TOX3: variants seen among roughly 807,000 people sequenced by gnomAD.
The protein encoded by TOX3 is TOX high mobility group box family member 3.
TOX3 carries 22 observed loss-of-function variants against 64.3 expected under a neutral mutation model. The observed-to-expected ratio is 0.34, with a 90% CI of 0.24 to 0.49. The LOEUF (loss-of-function observed/expected upper bound fraction) is 0.49. Among genes scored for constraint, TOX3 ranks in the 20% least tolerant of loss-of-function variants. The pLI is 0.99. For missense variants in TOX3, 661 were observed against 714.4 expected, an observed-to-expected ratio of 0.93 and a Z score of 0.85; for synonymous variants, 291 against 273.6, an observed-to-expected ratio of 1.06 and a Z score of -0.63.
At chr16:52,532,111 C>A (rs1485219394) in intron 1 of TOX3, among the ~76,000 whole-genome samples, 2 of 152,118 alleles carry the variant, frequency 1.3e-5, no homozygotes, top group Non-Finnish European at 2.9e-5. Flanking sequence ...AGCCACTATG[C>A]AGGAGATGAG....
At chr16:52,478,554 C>G (rs572503616) in intron 1 of TOX3, among the ~76,000 whole-genome samples, 1 of 152,200 alleles carries the variant, frequency 6.6e-6, no homozygotes, top group South Asian at 2.1e-4. Context: ...CACTATTTCT[C>G]TCCGTTCTAG....
chr16:52,463,573 C>T (rs1361982294), intron 3 of TOX3, among the ~76,000 whole-genome samples: 1 of 152,170 alleles, frequency 6.6e-6, no homozygotes, highest in African/African-American at 2.4e-5. Context: ...GACTTAGGCA[C>T]CTGATAAGGA....
In TOX3 at chr16:52,465,005, C is replaced by CTTTTTTTTTT. The variant is rs1168498170; in HGVS notation, c.154-827_154-818dup. On this transcript the variant is annotated intron_variant, in intron 2 of 6. Transcript: ENST00000219746. Reference sequence around the variant, plus strand: ...AGACCTAAGTAAGTCTTAATGCATTCTTTTTTTTTTTTTTTTTTTTTTTTT... The same window carrying CTTTTTTTTTT: ...AGACCTAAGTAAGTCTTAATGCATTCTTTTTTTTTTTTTTTTTTTTTTTTTTTTTTTTTTT... Among the ~76,000 whole-genome samples, 692 of 70,964 alleles carry CTTTTTTTTTT rather than the reference C, an allele frequency of 9.8e-3. 118 individuals are homozygous for CTTTTTTTTTT. Among genetic ancestry groups the CTTTTTTTTTT allele is most frequent in the African/African-American group, 0.012 (207 of 16,746 alleles). The allele number at this position is 70,964 out of a possible 152,430, so 46.6% of individuals were successfully genotyped here. A position where few individuals can be genotyped will look rare whatever the true frequency, so the allele number is the denominator to read the frequency against.
At chr16:52,524,566 C>A (rs1459670777) in intron 1 of TOX3, among the ~76,000 whole-genome samples, 2 of 152,164 alleles carry the variant, frequency 1.3e-5, no homozygotes, top group Non-Finnish European at 2.9e-5. Context: ...AGCAAATGAA[C>A]TCTTCAGTGC....
At chr16:52,519,309 T>C in intron 1 of TOX3, 1 of 1,179,390 alleles carries the variant, frequency 8.5e-7, no homozygotes, top group Non-Finnish European at 1.2e-6. Context: ...ACTAGAAATG[T>C]AAGGGTTAGT....
chr16:52,530,729 T>G lies in TOX3; in HGVS notation c.87+15908A>C, dbSNP rs45582031. On this transcript the variant is annotated intron_variant, in intron 1 of 6. Coordinates refer to ENST00000219746, the MANE Select transcript of TOX3 (RefSeq NM_001080430.4). ...AACTGAATGGTCTTTCTCCCTGATATAAGAATCTTCTAGATCACTCCCATC... is the reference window on the plus strand; with the variant it reads ...AACTGAATGGTCTTTCTCCCTGATAGAAGAATCTTCTAGATCACTCCCATC... Among the ~76,000 whole-genome samples, 1,274 of 152,098 alleles carry G rather than the reference T, an allele frequency of 8.4e-3. 11 individuals carry two copies. The highest frequency in any genetic ancestry group is 0.011 in the Non-Finnish European group (755 of 67,988).
chr16:52,476,121 C>G (rs1961199615), intron 1 of TOX3, among the ~76,000 whole-genome samples: 1 of 152,138 alleles, frequency 6.6e-6, no homozygotes, highest in Non-Finnish European at 1.5e-5. Context: ...GACATGCAAC[C>G]ATTTGTGAAG....
intron 1 of TOX3, among the ~76,000 whole-genome samples, chr16:52,508,809 T>A (rs192316153): frequency 8.5e-5 from 13 of 152,276 alleles, no homozygotes; most frequent in African/African-American, 2.4e-4. Flanking sequence ...ATTTTATTAC[T>A]ATTATTTAAA....
chr16:52,470,688 G>GT lies in TOX3; in HGVS notation c.88-2115dup, dbSNP rs897834335. 8.5e-4 allele frequency among the ~76,000 whole-genome samples: 130 copies of GT among 152,260 alleles called. 1 individual carries two copies. The highest frequency in any genetic ancestry group is 2.9e-3 in the African/African-American group (122 of 41,550). ...TGCCCTGGAGAAATGAGAAAAATCA[G>GT]TAACAACACTGGCACCGCAGTGCAC... is the stretch of plus-strand genomic sequence containing the variant. On this transcript the variant is annotated intron_variant, in intron 1 of 6. Coordinates refer to ENST00000219746, the MANE Select transcript of TOX3 (RefSeq NM_001080430.4).
intron 6 of TOX3, among the ~76,000 whole-genome samples, chr16:52,442,371 T>A (rs1960023570): frequency 1.3e-5 from 2 of 152,332 alleles, no homozygotes; most frequent in Admixed American, 6.5e-5. Flanking sequence ...ACCCCTTGGA[T>A]GAGTTCTCCT....
intron 1 of TOX3, among the ~76,000 whole-genome samples, chr16:52,525,742 C>T (rs1962715408): frequency 6.6e-6 from 1 of 152,156 alleles, no homozygotes; most frequent in African/African-American, 2.4e-5. Context: ...ATATTTTGTC[C>T]ACTCCCTCTC....
At position 52,479,485 on chromosome 16, in the gene TOX3, A is replaced by G. The variant is rs1241241202; in HGVS notation, c.88-10911T>C. 3.3e-5 allele frequency among the ~76,000 whole-genome samples: 5 copies of G among 152,242 alleles called. 1 individual carries two copies. Among genetic ancestry groups the G allele is most frequent in the Non-Finnish European group, 4.4e-5 (3 of 68,042 alleles). On this transcript the variant is annotated intron_variant, in intron 1 of 6. Transcript: ENST00000219746. ...GACAGCTGAAGATAAAATTTGAGGC[A>G]TAATTTTCAGAAGGTAAGAATAATG...
chr16:52,494,209 T>G lies in TOX3; in HGVS notation c.88-25635A>C, dbSNP rs187343737. ...GGCTGTTTCCAACTCCCTTGCATTT[T>G]GATGCGGGTTGGGGGGCAGGCAATT... On this transcript the variant is annotated intron_variant, in intron 1 of 6. Coordinates refer to ENST00000219746, the MANE Select transcript of TOX3 (RefSeq NM_001080430.4). Among the ~76,000 whole-genome samples, 916 of 152,296 alleles carry G rather than the reference T, an allele frequency of 6.0e-3. 10 individuals are homozygous for G. The highest frequency in any genetic ancestry group is 0.021 in the African/African-American group (875 of 41,572).
chr16:52,494,104 C>T (rs1961773535), intron 1 of TOX3, among the ~76,000 whole-genome samples: 3 of 152,186 alleles, frequency 2.0e-5, no homozygotes, highest in Admixed American at 2.0e-4. Context: ...TACTGACAAA[C>T]AAATCTGCTT....
intron 3 of TOX3, among the ~76,000 whole-genome samples, chr16:52,453,529 T>G (rs1443873724): frequency 1.3e-5 from 2 of 152,164 alleles, no homozygotes; most frequent in Non-Finnish European, 2.9e-5. Flanking sequence ...AATCTAGATG[T>G]TTTAAAGTAT....
At chr16:52,459,441 T>C (rs1209990689) in intron 3 of TOX3, among the ~76,000 whole-genome samples, 1 of 152,358 alleles carries the variant, frequency 6.6e-6, no homozygotes, top group East Asian at 1.9e-4. Context: ...ATAGGTCTTA[T>C]TCCATTCAAT....
At chr16:52,531,099 G>A (rs1039240928) in intron 1 of TOX3, among the ~76,000 whole-genome samples, 2 of 152,132 alleles carry the variant, frequency 1.3e-5, no homozygotes, top group Non-Finnish European at 2.9e-5. Flanking sequence ...ATTAGAAATC[G>A]TTAGCCAAAG....
intron 1 of TOX3, among the ~76,000 whole-genome samples, chr16:52,522,054 G>T (rs1172409998): frequency 6.6e-6 from 1 of 152,124 alleles, no homozygotes; most frequent in Non-Finnish European, 1.5e-5. Flanking sequence ...GAGTCGTGGA[G>T]GATTAAATTT....
chr16:52,530,842 C>G (rs1962836503), intron 1 of TOX3, among the ~76,000 whole-genome samples: 1 of 152,136 alleles, frequency 6.6e-6, no homozygotes, highest in Non-Finnish European at 1.5e-5. Flanking sequence ...TACTTGGTTT[C>G]TGCCTTGGAC....
Sources: allele counts gnomAD v4.1 joint callset (sites outside exome capture counted in the v4.1 genomes callset), GRCh38; gene constraint gnomAD v4.1.1; transcripts MANE v1.5; gene names NCBI Gene and HGNC (gene_info 2026-07-23, HGNC 2026-07-21).